ZC3H12B: variants seen among roughly 807,000 people sequenced by gnomAD.
ZC3H12B encodes the protein probable ribonuclease ZC3H12B.
In ZC3H12B, 7 loss-of-function variants were observed where a neutral mutation model predicts 43.9. That is an observed-to-expected ratio of 0.16 (90% CI 0.09 to 0.30). The LOEUF (loss-of-function observed/expected upper bound fraction) is 0.30. ZC3H12B is among the 10% of genes least tolerant of loss of function. The pLI is 1.00. For missense variants in ZC3H12B, 475 were observed against 670.2 expected (o/e 0.71, Z 3.22); for synonymous variants, 222 against 241.7 (o/e 0.92, Z 0.76).
chrX:65,316,138 A>G, the ZC3H12B span, among the ~76,000 whole-genome samples: 1 of 112,125 alleles, frequency 8.9e-6, no homozygotes, highest in Admixed American at 9.5e-5. Flanking sequence ...GAAAAGCAAT[A>G]AAGAAGAATG....
the ZC3H12B span, among the ~76,000 whole-genome samples, chrX:65,139,659 T>C: frequency 1.8e-5 from 2 of 111,712 alleles, no homozygotes; most frequent in Non-Finnish European, 3.8e-5. Flanking sequence ...ATTGAATATA[T>C]AGATTGCTTT....
the ZC3H12B span, among the ~76,000 whole-genome samples, chrX:65,211,376 A>G: frequency 9.2e-6 from 1 of 108,867 alleles, no homozygotes; most frequent in African/African-American, 3.3e-5. Flanking sequence ...AACATAAAAA[A>G]CCAAAGAGTT....
chrX:65,234,333 AG>A, the ZC3H12B span, among the ~76,000 whole-genome samples: 1 of 112,138 alleles, frequency 8.9e-6, no homozygotes, highest in Non-Finnish European at 1.9e-5. Context: ...AACTCTTTAA[AG>A]AACTTGGTAC....
chrX:65,039,860 G>C, the ZC3H12B span, among the ~76,000 whole-genome samples: 1 of 111,410 alleles, frequency 9.0e-6, no homozygotes, highest in Admixed American at 9.5e-5. Flanking sequence ...GGAGGTAAAA[G>C]GTCAGAAGGG....
the ZC3H12B span, among the ~76,000 whole-genome samples, chrX:65,190,150 G>C: frequency 9.1e-6 from 1 of 110,387 alleles, no homozygotes; most frequent in East Asian, 2.8e-4. Flanking sequence ...CTGTTCCATT[G>C]ATCTATATCT....
chrX:65,148,748 T>C, the ZC3H12B span, among the ~76,000 whole-genome samples: 1 of 112,011 alleles, frequency 8.9e-6, no homozygotes, highest in African/African-American at 3.2e-5. Context: ...GCATCTTTTC[T>C]TATTTCTGTG....
chrX:65,225,598 A>G, the ZC3H12B span, among the ~76,000 whole-genome samples: 1 of 112,274 alleles, frequency 8.9e-6, no homozygotes, highest in South Asian at 3.6e-4. Context: ...GGAAATTCAA[A>G]CCAAAGGCAA....
At chrX:65,351,710 G>GA in the ZC3H12B span, among the ~76,000 whole-genome samples, 1 of 112,662 alleles carries the variant, frequency 8.9e-6, no homozygotes, top group East Asian at 2.8e-4. Context: ...ACAGACGTAT[G>GA]AAAAAATGCT....
the ZC3H12B span, among the ~76,000 whole-genome samples, chrX:65,103,873 T>C: frequency 9.0e-6 from 1 of 111,680 alleles, no homozygotes; most frequent in East Asian, 2.8e-4. Context: ...AATACTATTA[T>C]CATCAAGCTA....
chrX:65,100,594 A>AC, the ZC3H12B span, among the ~76,000 whole-genome samples: 6 of 103,104 alleles, frequency 5.8e-5, no homozygotes, highest in Admixed American at 1.1e-4. Flanking sequence ...AAAAAAAAAA[A>AC]CAGGGGTTAC....
the ZC3H12B span, among the ~76,000 whole-genome samples, chrX:65,096,184 G>A: frequency 1.0e-5 from 1 of 99,256 alleles, no homozygotes; most frequent in Non-Finnish European, 2.0e-5. Context: ...CTTGGGCACA[G>A]GGAGGGAAAC....
chrX:65,365,366 G>T (rs182143733), upstream of ZC3H12B, among the ~76,000 whole-genome samples: 3 of 110,458 alleles, frequency 2.7e-5, no homozygotes, highest in Admixed American at 1.9e-4. Context: ...TCTTATTTGG[G>T]CCTTGTGTCT....
At chrX:65,493,880 T>A (rs1387024712) in intron 1 of ZC3H12B, among the ~76,000 whole-genome samples, 2 of 111,527 alleles carry the variant, frequency 1.8e-5, no homozygotes, top group Non-Finnish European at 3.8e-5. Context: ...TCAAAAAAAA[T>A]TATTCATTCC....
chrX:65,318,748 C>G, the ZC3H12B span, among the ~76,000 whole-genome samples: 3 of 110,994 alleles, frequency 2.7e-5, no homozygotes, highest in Non-Finnish European at 5.7e-5. Flanking sequence ...TGAGAATTGT[C>G]TATTCATGTC....
At chrX:65,347,087 C>A in the ZC3H12B span, among the ~76,000 whole-genome samples, 1 of 112,180 alleles carries the variant, frequency 8.9e-6, no homozygotes, top group African/African-American at 3.2e-5. Flanking sequence ...CCCTCTGGGA[C>A]GTAGCTTCCA....
the ZC3H12B span, among the ~76,000 whole-genome samples, chrX:65,166,977 T>C: frequency 6.1e-4 from 69 of 112,208 alleles, 1 homozygote; most frequent in East Asian, 0.018. Flanking sequence ...AAAAATTTTC[T>C]CCCATTGTAT....
chrX:65,065,760 T>C, the ZC3H12B span, among the ~76,000 whole-genome samples: 1 of 111,207 alleles, frequency 9.0e-6, no homozygotes, highest in Non-Finnish European at 1.9e-5. Flanking sequence ...ATATTCTCTT[T>C]GTCAGTTTTA....
the ZC3H12B span, among the ~76,000 whole-genome samples, chrX:65,212,732 A>AAT: frequency 9.6e-5 from 9 of 93,340 alleles, no homozygotes; most frequent in South Asian, 4.3e-4. Flanking sequence ...ATCATATATA[A>AAT]ATATATATAT....
the ZC3H12B span, among the ~76,000 whole-genome samples, chrX:65,268,753 C>A: frequency 9.0e-6 from 1 of 111,459 alleles, no homozygotes; most frequent in Non-Finnish European, 1.9e-5. Flanking sequence ...AATCCTTCAA[C>A]ATAATAAAGG....
Sources: gnomAD v4.1 joint callset for allele counts (sites outside exome capture counted in the v4.1 genomes callset) on GRCh38, gnomAD v4.1.1 for gene constraint, MANE v1.5 for transcripts, NCBI Gene and HGNC (gene_info 2026-07-23, HGNC 2026-07-21) for gene names.